Variants in COX18 observed in about 807,000 individuals in gnomAD.
COX18 encodes cytochrome c oxidase assembly protein COX18, mitochondrial.
Under a neutral mutation model 38.0 loss-of-function variants are expected in COX18, and 45 were observed. That is an observed-to-expected ratio of 1.18 (90% CI 0.93 to 1.52). COX18 has a LOEUF of 1.52. Ranked by LOEUF, COX18 falls within the 40% of genes most tolerant of loss-of-function variation. COX18 has a pLI of 0.00. For missense variants in COX18, 462 were observed against 423.8 expected (o/e 1.09, Z -0.79); for synonymous variants, 177 against 169.8 (o/e 1.04, Z -0.33).
intron 2 of COX18, 53 bp downstream of exon 2, chr4:73,067,973 TGTG>T: frequency 1.0e-6 from 1 of 959,624 alleles, no homozygotes; most frequent in South Asian, 1.3e-5. Flanking sequence ...TGTGTGTGTG[TGTG>T]TGTGTGTGTG....
intron 4 of COX18, 94 bp from the exon 5 acceptor site, chr4:73,062,014 C>CACCGA: frequency 4.4e-6 from 2 of 455,442 alleles, no homozygotes; most frequent in South Asian, 3.2e-5. Flanking sequence ...TCACTGGCCT[C>CACCGA]CATCTACACT....
chr4:73,068,914 C>G (rs948895275), intron 1 of COX18, among the ~76,000 whole-genome samples: 1 of 152,172 alleles, frequency 6.6e-6, no homozygotes, highest in Non-Finnish European at 1.5e-5. Flanking sequence ...ATAAGAAAGA[C>G]CAGCTGGAAT....
intron 5 of COX18, among the ~76,000 whole-genome samples, chr4:73,061,074 C>T (rs1431570550): frequency 6.6e-6 from 1 of 152,116 alleles, no homozygotes; most frequent in Non-Finnish European, 1.5e-5. Flanking sequence ...GCAAACATAA[C>T]CATTTCTTTT....
intron 1 of COX18, chr4:73,068,780 T>C (rs1288908776): frequency 3.3e-5 from 5 of 153,302 alleles, no homozygotes; most frequent in African/African-American, 1.2e-4. Context: ...ACTGCTAGCC[T>C]GATTCCTCAG....
chr4:73,052,985 T>A lies in COX18; in HGVS notation c.*5129A>T, dbSNP rs1719782809. On this transcript the variant is annotated 3_prime_UTR_variant, in exon 6 of 6. Coordinates refer to ENST00000507544, the MANE Select transcript of COX18 (RefSeq NM_001297732.2). Reference sequence around the variant, plus strand: ...CTGGGATTCTTAGAAGAATAAAATATGAAGGTATAAGTGTGATTTAAGAAT... The same window carrying A: ...CTGGGATTCTTAGAAGAATAAAATAAGAAGGTATAAGTGTGATTTAAGAAT... 1 of 150,466 alleles carries A rather than the reference T, an allele frequency of 6.6e-6. No individual in the cohort carries two copies. Among genetic ancestry groups the A allele is most frequent in the Admixed American group, 6.6e-5 (1 of 15,132 alleles). The allele number at this position is 150,466 out of a possible 1,614,324, so 9.3% of individuals were successfully genotyped here. A position where few individuals can be genotyped will look rare whatever the true frequency, so the allele number is the denominator to read the frequency against.
chr4:73,061,966 T>C (rs1419474669), intron 4 of COX18, 46 bp from the exon 5 acceptor site: 4 of 984,434 alleles, frequency 4.1e-6, no homozygotes, highest in South Asian at 1.4e-5. Context: ...TTAAAACGCA[T>C]ATTAAATCAG....
rs1327330585 is a variant in COX18, at chr4:73,052,678, G to A, written c.*5436C>T. 5.3e-5 allele frequency: 8 copies of A among 152,054 alleles called. No homozygotes were observed. Among genetic ancestry groups the A allele is most frequent in the East Asian group, 3.9e-4 (2 of 5,184 alleles). The allele number at this position is 152,054 out of a possible 1,614,324, so 9.4% of individuals were successfully genotyped here. A position where few individuals can be genotyped will look rare whatever the true frequency, so the allele number is the denominator to read the frequency against. On this transcript the variant is annotated 3_prime_UTR_variant, in exon 6 of 6. Transcript: ENST00000507544. ...ATCTGGGTTCTGCTTGAACCAGCTC[G>A]TAAGGCACAGTGTTTATAATGATAA...
rs947849130 is a variant in COX18 at position 73,055,524 on chromosome 4, T to C, written c.*2590A>G. 3 of 152,220 alleles carry C rather than the reference T, an allele frequency of 2.0e-5. No homozygotes were observed. Among genetic ancestry groups the C allele is most frequent in the African/African-American group, 7.2e-5 (3 of 41,462 alleles). 9.4% of individuals were successfully genotyped at this position (152,220 alleles called of 1,614,324 possible). A position where few individuals can be genotyped will look rare whatever the true frequency, so the allele number is the denominator to read the frequency against. ...ATACTTATTTTCTCCTAAGCCTTCC[T>C]GAGCTTAGGAACATCAGAAAGCACT... On this transcript the variant is annotated 3_prime_UTR_variant, in exon 6 of 6. Coordinates refer to ENST00000507544, the MANE Select transcript of COX18 (RefSeq NM_001297732.2).
chr4:73,067,491 T>A (rs1251979445), intron 2 of COX18, among the ~76,000 whole-genome samples: 4 of 152,162 alleles, frequency 2.6e-5, no homozygotes, highest in Non-Finnish European at 5.9e-5. Context: ...TCTATTTATT[T>A]CTTTGCTTTC....
At position 73,068,137 on chromosome 4, in the gene COX18, A is replaced by G. The variant is rs1383918391; in HGVS notation, c.334-8T>C. The G allele has an allele frequency of 1.7e-5, 27 of 1,591,446 alleles. No homozygotes were observed. The highest frequency in any genetic ancestry group is 2.3e-5 in the Non-Finnish European group (27 of 1,163,624). On this transcript the variant is annotated splice_region_variant and splice_polypyrimidine_tract_variant and intron_variant, in intron 1 of 5. Coordinates refer to ENST00000507544, the MANE Select transcript of COX18 (RefSeq NM_001297732.2). ...TGGCTGCAAATTTTCCACCTAGCTA[A>G]AAAATAGGTTTTGTTATGAGCACAT...
intron 5 of COX18, among the ~76,000 whole-genome samples, chr4:73,060,469 A>G (rs1486383875): frequency 1.3e-5 from 2 of 152,208 alleles, no homozygotes; most frequent in Non-Finnish European, 1.5e-5. Flanking sequence ...AGGCATTATG[A>G]TATCTATTTT....
chr4:73,061,771 A>T (rs1372798865), intron 5 of COX18, 42 bp downstream of exon 5: 3 of 1,049,314 alleles, frequency 2.9e-6, no homozygotes, highest in Non-Finnish European at 4.4e-6. Context: ...AAAGTCAGAG[A>T]GGATTTAGCA....
intron 4 of COX18, among the ~76,000 whole-genome samples, chr4:73,062,248 C>G (rs954396669): frequency 3.3e-5 from 5 of 151,794 alleles, no homozygotes; most frequent in African/African-American, 1.2e-4. Flanking sequence ...TTTTAAAAAT[C>G]TTAACTGGCC....
chr4:73,055,061 T>A lies in COX18; in HGVS notation c.*3053A>T, dbSNP rs1719836604. The A allele has an allele frequency of 6.6e-6, 1 of 152,242 alleles. No homozygotes were observed. Among genetic ancestry groups the A allele is most frequent in the Non-Finnish European group, 1.5e-5 (1 of 68,038 alleles). The allele number at this position is 152,242 out of a possible 1,614,324, so 9.4% of individuals were successfully genotyped here. On this transcript the variant is annotated 3_prime_UTR_variant, in exon 6 of 6. Coordinates refer to ENST00000507544, the MANE Select transcript of COX18 (RefSeq NM_001297732.2). Reference sequence around the variant, plus strand: ...GAGACTGATTTCCCTCATGCCATTATGAGAAAAATATCTGAGTGTACTCAC... The same window carrying A: ...GAGACTGATTTCCCTCATGCCATTAAGAGAAAAATATCTGAGTGTACTCAC...
chr4:73,061,918 A>T lies in COX18; in HGVS notation c.726T>A (p.Ile242=), dbSNP rs375362771. Residue 242 remains isoleucine, a splice_region_variant and synonymous_variant, in exon 5 of 6, where the codon ATT becomes ATA. Coordinates refer to ENST00000507544, the MANE Select transcript of COX18 (RefSeq NM_001297732.2). ...ACATTCCAATTTTTTGTAGAGCACA[A>T]ATCTGAAGGGGTAGAACATATACAT... The part of the protein sequence containing the change: ...VGVINLLIVE[I]CALQKIGMSR... The T allele has an allele frequency of 2.6e-6, 4 of 1,536,904 alleles. No homozygotes were observed. Among genetic ancestry groups the T allele is most frequent in the Non-Finnish European group, 3.6e-6 (4 of 1,110,560 alleles).
rs1720658037 is a variant in COX18 at position 73,069,506 on chromosome 4, T to C, written c.144A>G (p.Ala48=). The change falls in exon 1 of 6, where the codon GCA becomes GCG. Residue 48 remains alanine (A), a synonymous_variant. Transcript: ENST00000507544. ...LPVWAVAPVS[A]VHANGWYEAL... is the part of the protein sequence containing the mutation. The stretch of plus-strand genomic sequence containing the variant: ...CCTCGTACCAGCCGTTCGCATGTAC[T>C]GCAGAGACTGGTGCCACTGCCCACA... 7 of 1,590,098 alleles carry C rather than the reference T, an allele frequency of 4.4e-6. No individual in the cohort carries two copies. The highest frequency in any genetic ancestry group is 1.8e-5 in the Admixed American group (1 of 56,210).
chr4:73,059,602 T>C (rs1478237250), intron 5 of COX18, among the ~76,000 whole-genome samples: 1 of 152,224 alleles, frequency 6.6e-6, no homozygotes, highest in East Asian at 1.9e-4. Flanking sequence ...CTAAGTGACC[T>C]TGGATGAGTT....
Position 73,061,774 on chromosome 4 carries a change from A to G in COX18, c.831+39T>C, listed in dbSNP as rs148468072. 1.2e-4 allele frequency: 134 copies of G among 1,133,912 alleles called. 1 individual carries two copies. In the East Asian group the frequency reaches 1.6e-3, roughly 14 times the overall value. 70.2% of individuals were successfully genotyped at this position (1,133,912 alleles called of 1,614,324 possible). ...CCAGTCTAAGCTAAAGTCAGAGAGG[A>G]TTTAGCACATGCTACACACAATATT... On this transcript the variant is annotated intron_variant, in intron 5 of 5. Transcript: ENST00000507544.
At chr4:73,066,322 G>A (rs1295345923) in intron 2 of COX18, among the ~76,000 whole-genome samples, 3 of 152,112 alleles carry the variant, frequency 2.0e-5, no homozygotes, top group African/African-American at 7.2e-5. Context: ...TATCATCTGT[G>A]TGGAAAGCCC....
Sources: allele counts gnomAD v4.1 joint callset (sites outside exome capture counted in the v4.1 genomes callset), GRCh38; gene constraint gnomAD v4.1.1; transcripts MANE v1.5; gene names NCBI Gene and HGNC (gene_info 2026-07-23, HGNC 2026-07-21).